GALNT3: variants seen among roughly 807,000 people sequenced by gnomAD.
GALNT3 encodes the protein GalNAc transferase 3.
GALNT3 carries 51 observed loss-of-function variants against 69.8 expected under a neutral mutation model. That is an observed-to-expected ratio of 0.73 (90% CI 0.58 to 0.92). The LOEUF (loss-of-function observed/expected upper bound fraction) is 0.92, where lower values mean the gene tolerates loss of function less well. Ranked by LOEUF, GALNT3 falls within the 40% of genes least tolerant of loss-of-function variation. GALNT3 has a pLI of 0.00. For missense variants in GALNT3, 711 were observed against 760.0 expected (o/e 0.94, Z 0.76); for synonymous variants, 265 against 248.5 (o/e 1.07, Z -0.63).
At chr2:165,753,282 C>T (rs17266978) in intron 9 of GALNT3, among the ~76,000 whole-genome samples, 9,310 of 152,244 alleles carry the variant, frequency 0.061, 442 homozygotes, top group Non-Finnish European at 0.095. Flanking sequence ...TTGGACTCTA[C>T]ACCAAAATAC....
intron 1 of GALNT3, among the ~76,000 whole-genome samples, chr2:165,781,079 C>A (rs1683095996): frequency 6.6e-6 from 1 of 152,018 alleles, no homozygotes; most frequent in Non-Finnish European, 1.5e-5. Flanking sequence ...CTGCTATTGG[C>A]ACTTTCCAGA....
chr2:165,762,231 A>G (rs983417365), intron 3 of GALNT3, among the ~76,000 whole-genome samples, 177 bp from the exon 4 acceptor site: 1 of 152,054 alleles, frequency 6.6e-6, no homozygotes, highest in Non-Finnish European at 1.5e-5. Context: ...GAAAAAGGCT[A>G]GCTATGCAAA....
At chr2:165,753,319 G>A (rs894061154) in intron 9 of GALNT3, among the ~76,000 whole-genome samples, 6 of 151,844 alleles carry the variant, frequency 4.0e-5, no homozygotes, top group Admixed American at 1.3e-4. Flanking sequence ...AGATACTCCA[G>A]GCTCTTCTCT....
At chr2:165,780,264 G>C (rs1683074453) in intron 1 of GALNT3, among the ~76,000 whole-genome samples, 2 of 152,068 alleles carry the variant, frequency 1.3e-5, no homozygotes, top group African/African-American at 4.8e-5. Context: ...CTCTGCAATG[G>C]ATGTGCTTTT....
rs189430470 is a variant in GALNT3, at chr2:165,774,387, C to A, written c.-108-3579G>T. On this transcript the variant is annotated intron_variant, in intron 1 of 10. Coordinates refer to ENST00000392701, the MANE Select transcript of GALNT3 (RefSeq NM_004482.4). Reference sequence around the variant, plus strand: ...CACAGAATAGGAAGATATGACAGAACTAGATTCTTCTACAGTAGTGATAGT... The same window carrying A: ...CACAGAATAGGAAGATATGACAGAAATAGATTCTTCTACAGTAGTGATAGT... 2.0e-5 allele frequency among the ~76,000 whole-genome samples: 3 copies of A among 152,280 alleles called. No individual in the cohort carries two copies. In the East Asian group the frequency reaches 5.8e-4, roughly 29 times the overall value.
intron 7 of GALNT3, 39 bp downstream of exon 7, chr2:165,757,008 T>C (rs1688456043): frequency 6.7e-7 from 1 of 1,495,282 alleles, no homozygotes; most frequent in Non-Finnish European, 9.3e-7. Context: ...GAACTTGTTA[T>C]AGATTTTATT....
At chr2:165,750,158 G>C (rs1033794801) in intron 9 of GALNT3, among the ~76,000 whole-genome samples, 2 of 152,040 alleles carry the variant, frequency 1.3e-5, no homozygotes, top group Non-Finnish European at 2.9e-5. Context: ...GGAGAGTGGA[G>C]GCTATCCCAG....
intron 1 of GALNT3, among the ~76,000 whole-genome samples, chr2:165,778,512 C>T (rs930208071): frequency 1.3e-5 from 2 of 152,128 alleles, no homozygotes; most frequent in African/African-American, 4.8e-5. Flanking sequence ...AAGGAGAATT[C>T]TAAAGAATAC....
rs75027478 is a variant in GALNT3 at position 165,752,157 on chromosome 2, C to T, written c.1627-2263G>A. ...TAGTCCTCTTTGCTAGACCACTCTGCTCTAGGTACACTGGCTATCTGCTTT... is the reference window on the plus strand; with the variant it reads ...TAGTCCTCTTTGCTAGACCACTCTGTTCTAGGTACACTGGCTATCTGCTTT... On this transcript the variant is annotated intron_variant, in intron 9 of 10. Transcript: ENST00000392701. 7.7e-3 allele frequency among the ~76,000 whole-genome samples: 1,167 copies of T among 152,242 alleles called. 39 individuals carry two copies. Among genetic ancestry groups the T allele is most frequent in the Admixed American group, 0.061 (928 of 15,280 alleles).
At chr2:165,761,178 T>C (rs529727961) in intron 4 of GALNT3, among the ~76,000 whole-genome samples, 11 of 152,062 alleles carry the variant, frequency 7.2e-5, no homozygotes, top group Non-Finnish European at 1.5e-4. Context: ...GGACGAAGTT[T>C]AATGATAGGG....
At chr2:165,789,151 C>T (rs773406989) in intron 1 of GALNT3, among the ~76,000 whole-genome samples, 7 of 152,166 alleles carry the variant, frequency 4.6e-5, no homozygotes, top group African/African-American at 1.2e-4. Flanking sequence ...ATACCTTAGA[C>T]TGGGTAATTT....
Position 165,788,743 on chromosome 2 carries a change from G to GA in GALNT3, c.-109+5271dup, listed in dbSNP as rs542412297. Among the ~76,000 whole-genome samples, 120 of 145,414 alleles carry GA rather than the reference G, an allele frequency of 8.3e-4. 1 individual carries two copies. The highest frequency in any genetic ancestry group is 8.3e-4 in the Non-Finnish European group (55 of 65,926). On this transcript the variant is annotated intron_variant, in intron 1 of 10. Coordinates refer to ENST00000392701, the MANE Select transcript of GALNT3 (RefSeq NM_004482.4). ...GGAAGTGCAAAAGAAAAGCACACAAGAAAAAAAAAACAATAAGAAGTCTAT... is the reference window on the plus strand; with the variant it reads ...GGAAGTGCAAAAGAAAAGCACACAAGAAAAAAAAAAACAATAAGAAGTCTAT...
intron 2 of GALNT3, among the ~76,000 whole-genome samples, chr2:165,766,158 C>T (rs1256155067): frequency 1.3e-5 from 2 of 152,060 alleles, no homozygotes; most frequent in Non-Finnish European, 2.9e-5. Context: ...AAAGATTTTG[C>T]TCCAATAATT....
intron 1 of GALNT3, among the ~76,000 whole-genome samples, chr2:165,778,804 A>G (rs1361844746): frequency 6.6e-6 from 1 of 152,214 alleles, no homozygotes; most frequent in African/African-American, 2.4e-5. Context: ...ATCTGGAATC[A>G]CAGAGGTTGT....
chr2:165,768,578 A>AT (rs1688689558), intron 2 of GALNT3, among the ~76,000 whole-genome samples: 1 of 152,222 alleles, frequency 6.6e-6, no homozygotes, highest in South Asian at 2.1e-4. Context: ...ATCAGATTAG[A>AT]ATAGCTCAAC....
At chr2:165,779,358 G>A (rs1261748597) in intron 1 of GALNT3, among the ~76,000 whole-genome samples, 1 of 152,156 alleles carries the variant, frequency 6.6e-6, no homozygotes, top group Non-Finnish European at 1.5e-5. Flanking sequence ...AAACTGATAA[G>A]CAGCAAAGTC....
intron 2 of GALNT3, among the ~76,000 whole-genome samples, chr2:165,767,914 A>AC (rs1688673390): frequency 7.9e-6 from 1 of 125,948 alleles, no homozygotes; most frequent in Non-Finnish European, 1.6e-5. Context: ...TTGCTCTGTC[A>AC]CCAGGCTGGA....
chr2:165,759,543 G>A lies in GALNT3; in HGVS notation c.866C>T (p.Pro289Leu), dbSNP rs776335857. The change falls in exon 5 of 11, where the codon CCT becomes CTT. Residue 289 changes from proline (P) to leucine (L), a missense_variant. Transcript: ENST00000392701. The part of the protein sequence containing the change: ...HCECFYGWLE[P>L]LLARIAENYT... ...GTTCTCAGCTATTCTGGCCAACAGA[G>A]GTTCTAGCCAACCATAGAAACACTC... The A allele has an allele frequency of 9.3e-6, 15 of 1,613,618 alleles. No individual in the cohort carries two copies. The highest frequency in any genetic ancestry group is 2.2e-5 in the South Asian group (2 of 91,066).
At chr2:165,776,962 T>C (rs931872288) in intron 1 of GALNT3, among the ~76,000 whole-genome samples, 52 of 152,212 alleles carry the variant, frequency 3.4e-4, no homozygotes, top group African/African-American at 1.1e-3. Flanking sequence ...CCATCATGAT[T>C]GTCCCTCTAG....
Sources: gnomAD v4.1 joint callset for allele counts (sites outside exome capture counted in the v4.1 genomes callset) on GRCh38, gnomAD v4.1.1 for gene constraint, MANE v1.5 for transcripts, NCBI Gene and HGNC (gene_info 2026-07-23, HGNC 2026-07-21) for gene names.